The following MBP variants were observed in gnomAD, a reference collection of about 807,000 sequenced individuals.
The protein encoded by MBP is Golli-MBP.
Under a neutral mutation model 35.8 loss-of-function variants are expected in MBP, and 16 were observed. The ratio of observed to expected loss-of-function variants is 0.45; its 90% CI spans 0.30 to 0.68. The LOEUF (loss-of-function observed/expected upper bound fraction) is 0.68, where lower values mean the gene tolerates loss of function less well. MBP is among the 30% of genes least tolerant of loss of function. The pLI is 0.08. For missense variants in MBP, 380 were observed against 404.7 expected, an observed-to-expected ratio of 0.94 and a Z score of 0.52; for synonymous variants, 143 against 159.6, an observed-to-expected ratio of 0.90 and a Z score of 0.78.
chr18:76,987,814 TGGC>T, intron 7 of MBP: 1 of 1,039,860 alleles, frequency 9.6e-7, no homozygotes, highest in South Asian at 3.3e-5. Context: ...ATATAATGAT[TGGC>T]ATTTTAATTT....
intron 2 of MBP, among the ~76,000 whole-genome samples, chr18:77,076,099 C>A (rs998011946): frequency 6.6e-6 from 1 of 152,258 alleles, no homozygotes; most frequent in Admixed American, 6.5e-5. Flanking sequence ...ATTCAACTGA[C>A]AGCCTGTGAT....
chr18:77,027,982 T>TTTTATTTA (rs56265384), intron 3 of MBP, among the ~76,000 whole-genome samples: 50,141 of 145,338 alleles, frequency 0.34, 10,698 homozygotes, highest in Non-Finnish European at 0.47. Context: ...CCCAGCTAAT[T>TTTTATTTA]TTTATTTATT....
intron 1 of MBP, among the ~76,000 whole-genome samples, chr18:77,128,857 C>T (rs1977145786): frequency 6.6e-6 from 1 of 152,180 alleles, no homozygotes; most frequent in Admixed American, 6.5e-5. Flanking sequence ...TTCACTTTTT[C>T]TAGATTATTC....
chr18:77,120,594 T>C (rs1450760191), intron 1 of MBP, among the ~76,000 whole-genome samples: 1 of 152,202 alleles, frequency 6.6e-6, no homozygotes, highest in African/African-American at 2.4e-5. Flanking sequence ...CTCCAGACTA[T>C]TTTACAAAAC....
chr18:77,070,779 A>G (rs976077483), intron 2 of MBP, among the ~76,000 whole-genome samples: 3 of 152,086 alleles, frequency 2.0e-5, no homozygotes, highest in Admixed American at 6.5e-5. Flanking sequence ...TGGAAGCGCA[A>G]TTCAGTTTTC....
chr18:77,021,569 C>T (rs550684477), intron 3 of MBP, among the ~76,000 whole-genome samples: 207 of 151,656 alleles, frequency 1.4e-3, no homozygotes, highest in African/African-American at 4.8e-3. Context: ...CCGCAACCTC[C>T]GCCTCCCGGG....
chr18:77,119,296 C>T (rs1245233133), intron 1 of MBP, among the ~76,000 whole-genome samples: 1 of 152,108 alleles, frequency 6.6e-6, no homozygotes, highest in Non-Finnish European at 1.5e-5. Flanking sequence ...GTTCTGCTTC[C>T]CCATCCCCAC....
intron 4 of MBP, 74 bp from the exon 5 acceptor site, chr18:76,990,134 A>G: frequency 1.1e-6 from 1 of 909,774 alleles, no homozygotes. Context: ...GGGAAGCTGG[A>G]TCTCTCCTCC....
upstream of MBP, among the ~76,000 whole-genome samples, chr18:77,133,098 G>T (rs1977340956): frequency 6.6e-6 from 1 of 151,928 alleles, no homozygotes; most frequent in African/African-American, 2.4e-5. Context: ...AACCCACCCC[G>T]ACCCCGACCT....
intron 2 of MBP, among the ~76,000 whole-genome samples, chr18:77,073,705 C>T (rs139351417): frequency 6.6e-6 from 1 of 152,186 alleles, no homozygotes; most frequent in Non-Finnish European, 1.5e-5. Flanking sequence ...GTCCAGAATA[C>T]GGGTGGATCC....
intron 3 of MBP, among the ~76,000 whole-genome samples, chr18:77,019,186 G>A (rs1479718143): frequency 2.6e-5 from 4 of 152,234 alleles, no homozygotes; most frequent in Non-Finnish European, 5.9e-5. Context: ...ACATTCTAGT[G>A]GGGAAAGCAG....
intron 3 of MBP, among the ~76,000 whole-genome samples, chr18:77,032,557 G>A (rs1003945894): frequency 6.6e-6 from 1 of 152,210 alleles, no homozygotes; most frequent in African/African-American, 2.4e-5. Context: ...GGCGAGGCGC[G>A]GCCATGCGCT....
chr18:77,119,570 A>T (rs1311573583), intron 1 of MBP, among the ~76,000 whole-genome samples: 3 of 152,132 alleles, frequency 2.0e-5, no homozygotes, highest in African/African-American at 7.2e-5. Context: ...AGAGAATGGC[A>T]AGGGAAGTGC....
At chr18:77,085,558 T>C (rs893923288) in intron 2 of MBP, among the ~76,000 whole-genome samples, 1 of 152,218 alleles carries the variant, frequency 6.6e-6, no homozygotes, top group Non-Finnish European at 1.5e-5. Flanking sequence ...CAATGCCACG[T>C]GTCACCATTA....
intron 2 of MBP, among the ~76,000 whole-genome samples, chr18:77,084,653 A>ATG (rs1975149631): frequency 6.6e-6 from 1 of 152,172 alleles, no homozygotes; most frequent in Non-Finnish European, 1.5e-5. Context: ...ACCATGGCAC[A>ATG]TGTATTCCCA....
intron 2 of MBP, among the ~76,000 whole-genome samples, chr18:77,084,697 TAG>T (rs1203122858): frequency 6.6e-6 from 1 of 152,216 alleles, no homozygotes; most frequent in South Asian, 2.1e-4. Flanking sequence ...CATGGTTTTT[TAG>T]AGTCTTTCTG....
chr18:76,981,976 G>A (rs894278862), intron 8 of MBP: 12 of 152,236 alleles, frequency 7.9e-5, no homozygotes, highest in African/African-American at 2.9e-4. Flanking sequence ...CCTCTGGCAA[G>A]GTAACCTACC....
intron 2 of MBP, among the ~76,000 whole-genome samples, chr18:77,098,556 C>T (rs756851802): frequency 1.1e-4 from 17 of 152,210 alleles, no homozygotes; most frequent in Non-Finnish European, 1.9e-4. Context: ...AGAGCACGAT[C>T]GATCCACTCA....
At chr18:76,981,460 C>T (rs911273977) in intron 8 of MBP, 1 of 152,266 alleles carries the variant, frequency 6.6e-6, no homozygotes, top group Non-Finnish European at 1.5e-5. Context: ...AGAATCCTTC[C>T]AAGTAACGCA....
Sources: gnomAD v4.1 joint callset for allele counts (sites outside exome capture counted in the v4.1 genomes callset) on GRCh38, gnomAD v4.1.1 for gene constraint, MANE v1.5 for transcripts, NCBI Gene and HGNC (gene_info 2026-07-23, HGNC 2026-07-21) for gene names.